Variants in ANO3 observed in about 807,000 individuals in gnomAD.
The protein encoded by ANO3 is anoctamin-3.
Under a neutral mutation model 144.8 loss-of-function variants are expected in ANO3, and 99 were observed. The ratio of observed to expected loss-of-function variants is 0.68; its 90% CI spans 0.58 to 0.81. The LOEUF (loss-of-function observed/expected upper bound fraction) is 0.81, where lower values mean the gene tolerates loss of function less well. Ranked by LOEUF, ANO3 falls within the 30% of genes least tolerant of loss-of-function variation. The pLI, the probability that ANO3 is intolerant of heterozygous loss-of-function variation, is 0.00. For synonymous variants in ANO3, 414 were observed against 392.6 expected (o/e 1.05, Z -0.64); for missense variants, 905 against 1,202.2 (o/e 0.75, Z 3.66).
intron 1 of ANO3, among the ~76,000 whole-genome samples, chr11:26,427,699 C>G (rs919907629): frequency 2.0e-5 from 3 of 151,980 alleles, no homozygotes; most frequent in Non-Finnish European, 4.4e-5. Flanking sequence ...TGTATTAGAC[C>G]ATTCTCACAC....
At chr11:26,564,694 C>T (rs12808665) in intron 14 of ANO3, among the ~76,000 whole-genome samples, 12,977 of 32,470 alleles carry the variant, frequency 0.4, 1,954 homozygotes, top group Middle Eastern at 0.46. Flanking sequence ...CATATATATA[C>T]ACACACACAC....
At chr11:26,652,522 C>G (rs939799579) in intron 24 of ANO3, among the ~76,000 whole-genome samples, 3 of 149,822 alleles carry the variant, frequency 2.0e-5, no homozygotes, top group Non-Finnish European at 4.4e-5. Flanking sequence ...CCCTGGATCT[C>G]TTCTTCTTTC....
chr11:26,558,645 C>T (rs985554875), intron 13 of ANO3, among the ~76,000 whole-genome samples: 12 of 152,020 alleles, frequency 7.9e-5, no homozygotes, highest in Non-Finnish European at 1.5e-4. Context: ...TCAAAGGGAG[C>T]GCATCTTTTC....
intron 1 of ANO3, among the ~76,000 whole-genome samples, chr11:26,266,400 G>C (rs181839031): frequency 2.2e-3 from 328 of 149,940 alleles, no homozygotes; most frequent in African/African-American, 7.9e-3. Context: ...TTAAATCCAA[G>C]TTAATAAAAG....
chr11:26,409,615 C>G (rs754764340), intron 1 of ANO3, among the ~76,000 whole-genome samples: 1 of 151,926 alleles, frequency 6.6e-6, no homozygotes, highest in African/African-American at 2.4e-5. Context: ...TATGGAGATA[C>G]ATGTGATGAA....
At chr11:26,521,799 G>A (rs1345995012) in intron 6 of ANO3, among the ~76,000 whole-genome samples, 1 of 152,144 alleles carries the variant, frequency 6.6e-6, no homozygotes, top group African/African-American at 2.4e-5. Flanking sequence ...TTCTCAGATG[G>A]AGTACCCAGA....
At position 26,350,197 on chromosome 11, in the gene ANO3, T is replaced by C. The variant is rs149790113; in HGVS notation, c.46+17876T>C. Among the ~76,000 whole-genome samples the C allele has an allele frequency of 8.9e-3, 1,351 of 152,218 alleles. 12 individuals are homozygous for C. The highest frequency in any genetic ancestry group is 0.03 in the African/African-American group (1,264 of 41,524). On this transcript the variant is annotated intron_variant, in intron 1 of 26. Transcript: ENST00000256737. ...AATTTCCGAATTTCTTTAGGAGGAC[T>C]GTGGGTAAAAGTCATGTCCATTCTC...
chr11:26,217,800 T>G (rs1160324290), intron 1 of ANO3, among the ~76,000 whole-genome samples: 1 of 151,038 alleles, frequency 6.6e-6, no homozygotes, highest in Non-Finnish European at 1.5e-5. Flanking sequence ...AAATTTAAAA[T>G]GTTTTAAATT....
intron 1 of ANO3, among the ~76,000 whole-genome samples, chr11:26,421,709 T>G (rs1374518434): frequency 6.6e-6 from 1 of 151,992 alleles, no homozygotes; most frequent in African/African-American, 2.4e-5. Context: ...ATAGAATCAG[T>G]GATAGACTGG....
chr11:26,398,623 G>A (rs1370906237), intron 1 of ANO3, among the ~76,000 whole-genome samples: 1 of 151,922 alleles, frequency 6.6e-6, no homozygotes, highest in Non-Finnish European at 1.5e-5. Context: ...GCCTATTTTA[G>A]GACTAAGTGA....
At chr11:26,622,869 GAACT>G (rs1215355218) in intron 17 of ANO3, among the ~76,000 whole-genome samples, 1 of 152,206 alleles carries the variant, frequency 6.6e-6, no homozygotes, top group Non-Finnish European at 1.5e-5. Flanking sequence ...TATTGAACTA[GAACT>G]AACTTTCAAT....
intron 1 of ANO3, among the ~76,000 whole-genome samples, chr11:26,378,530 T>G (rs889563181): frequency 6.6e-6 from 1 of 151,326 alleles, no homozygotes; most frequent in African/African-American, 2.4e-5. Flanking sequence ...TTTTAAAAAT[T>G]AAAAAGTAAA....
chr11:26,399,071 T>C (rs1018889811), intron 1 of ANO3, among the ~76,000 whole-genome samples: 2 of 151,888 alleles, frequency 1.3e-5, no homozygotes, highest in African/African-American at 4.8e-5. Flanking sequence ...TTCACTCCTA[T>C]TTACCACAGA....
chr11:26,283,410 A>C (rs1478287755), intron 1 of ANO3, among the ~76,000 whole-genome samples: 2 of 140,990 alleles, frequency 1.4e-5, no homozygotes, highest in East Asian at 4.2e-4. Context: ...GGAAACGAGT[A>C]ACTCTGGGCT....
chr11:26,538,092 A>G (rs1415901272), intron 10 of ANO3, among the ~76,000 whole-genome samples: 1 of 152,226 alleles, frequency 6.6e-6, no homozygotes, highest in Non-Finnish European at 1.5e-5. Flanking sequence ...GAGGACTCAC[A>G]GTACATAATA....
chr11:26,654,541 C>A (rs529879118), intron 24 of ANO3, among the ~76,000 whole-genome samples: 17 of 151,970 alleles, frequency 1.1e-4, no homozygotes, highest in Admixed American at 2.0e-4. Flanking sequence ...TATAACTATA[C>A]CATATGTGAA....
chr11:26,347,999 A>G (rs1187504446), intron 1 of ANO3, among the ~76,000 whole-genome samples: 2 of 152,200 alleles, frequency 1.3e-5, no homozygotes, highest in Non-Finnish European at 2.9e-5. Flanking sequence ...GAAAAAAGGT[A>G]TAAATGTTTT....
At chr11:26,600,851 G>A (rs1358609532) in intron 17 of ANO3, among the ~76,000 whole-genome samples, 1 of 151,852 alleles carries the variant, frequency 6.6e-6, no homozygotes, top group African/African-American at 2.4e-5. Flanking sequence ...AAATCATCCA[G>A]TATTTTTATG....
At chr11:26,626,743 G>C (rs909353236) in intron 18 of ANO3, among the ~76,000 whole-genome samples, 1 of 151,928 alleles carries the variant, frequency 6.6e-6, no homozygotes, top group Non-Finnish European at 1.5e-5. Flanking sequence ...AATCTTTCTG[G>C]AACTCTTTAC....
Sources: allele counts gnomAD v4.1 joint callset (sites outside exome capture counted in the v4.1 genomes callset), GRCh38; gene constraint gnomAD v4.1.1; transcripts MANE v1.5; gene names NCBI Gene and HGNC (gene_info 2026-07-23, HGNC 2026-07-21).